GPC5: variants seen among roughly 807,000 people sequenced by gnomAD.
The protein encoded by GPC5 is glypican-5.
GPC5 carries 47 observed loss-of-function variants against 53.9 expected under a neutral mutation model. The observed-to-expected ratio is 0.87, with a 90% CI of 0.69 to 1.11. The LOEUF (loss-of-function observed/expected upper bound fraction) is 1.11. GPC5 is among the 50% of genes most tolerant of loss of function. The pLI is 0.00. For missense variants in GPC5, 748 were observed against 713.1 expected (o/e 1.05, Z -0.56); for synonymous variants, 286 against 263.3 (o/e 1.09, Z -0.84).
intron 7 of GPC5, among the ~76,000 whole-genome samples, chr13:92,318,802 C>T (rs2043196945): frequency 2.0e-5 from 3 of 152,056 alleles, no homozygotes; most frequent in Non-Finnish European, 4.4e-5. Flanking sequence ...TACTATCATT[C>T]CTATATGAGT....
At chr13:91,952,958 T>G (rs1244295278) in intron 6 of GPC5, among the ~76,000 whole-genome samples, 2 of 152,142 alleles carry the variant, frequency 1.3e-5, no homozygotes, top group Admixed American at 6.6e-5. Context: ...CAGTGGGATT[T>G]AAAGCAGATA....
At position 91,494,777 on chromosome 13, in the gene GPC5, C is replaced by T. The variant is rs536943831; in HGVS notation, c.325+45855C>T. ...TACTAAAGTTCTTGCTTTTTCTCCC[C>T]CCTTATTGACTGCCCTGCCTTAGAA... On this transcript the variant is annotated intron_variant, in intron 2 of 7. Transcript: ENST00000377067. 7.2e-5 allele frequency among the ~76,000 whole-genome samples: 11 copies of T among 152,234 alleles called. 1 individual carries two copies. The South Asian group carries it at 1.7e-3, about 23-fold the overall frequency.
At chr13:91,635,334 C>A (rs940123687) in intron 2 of GPC5, among the ~76,000 whole-genome samples, 2 of 151,916 alleles carry the variant, frequency 1.3e-5, no homozygotes, top group African/African-American at 4.8e-5. Context: ...CATGCATTAA[C>A]CTTTGGTGTA....
intron 6 of GPC5, among the ~76,000 whole-genome samples, chr13:91,975,426 A>G (rs1227532559): frequency 1.3e-5 from 2 of 152,150 alleles, no homozygotes; most frequent in African/African-American, 4.8e-5. Flanking sequence ...ATTTACAAGA[A>G]AAAAACAAAC....
In GPC5 at chr13:91,466,834, A is replaced by C. The variant is rs910301316; in HGVS notation, c.325+17912A>C. 2.6e-5 allele frequency among the ~76,000 whole-genome samples: 4 copies of C among 152,116 alleles called. No homozygotes were observed. The South Asian group carries it at 8.3e-4, about 32-fold the overall frequency. Reference sequence around the variant, plus strand: ...TTTCCTTCTATCTTAGTTTTAACGAAGTTCTTTTGAAAATTCTATTCAACT... The same window carrying C: ...TTTCCTTCTATCTTAGTTTTAACGACGTTCTTTTGAAAATTCTATTCAACT... On this transcript the variant is annotated intron_variant, in intron 2 of 7. Transcript: ENST00000377067.
intron 7 of GPC5, among the ~76,000 whole-genome samples, chr13:92,179,271 T>G (rs111913614): frequency 3.3e-5 from 5 of 152,176 alleles, no homozygotes; most frequent in African/African-American, 1.2e-4. Context: ...AAATAAAGGA[T>G]AATATCCTGG....
At chr13:92,350,771 G>C (rs2043470518) in intron 7 of GPC5, among the ~76,000 whole-genome samples, 1 of 152,050 alleles carries the variant, frequency 6.6e-6, no homozygotes, top group Non-Finnish European at 1.5e-5. Context: ...ATCATCACAT[G>C]ACTTTTTACT....
chr13:91,758,587 T>G (rs2037344551), intron 5 of GPC5, among the ~76,000 whole-genome samples: 1 of 152,134 alleles, frequency 6.6e-6, no homozygotes. Context: ...AATGAATATA[T>G]TTTATTCTAC....
chr13:91,639,077 G>A (rs1301403119), intron 2 of GPC5, among the ~76,000 whole-genome samples: 2 of 152,146 alleles, frequency 1.3e-5, no homozygotes, highest in Non-Finnish European at 2.9e-5. Context: ...TTATTTTAGT[G>A]GGTAATATGT....
At chr13:91,676,638 A>G (rs1382410387) in intron 2 of GPC5, among the ~76,000 whole-genome samples, 1 of 152,166 alleles carries the variant, frequency 6.6e-6, no homozygotes, top group African/African-American at 2.4e-5. Context: ...CAGAGTAGTG[A>G]ATGTGAATGT....
chr13:92,038,800 GCAAA>G (rs1223967115), intron 6 of GPC5, among the ~76,000 whole-genome samples: 2 of 151,958 alleles, frequency 1.3e-5, no homozygotes. Context: ...ATGAGCGAAT[GCAAA>G]CAGAGAAGTG....
intron 7 of GPC5, among the ~76,000 whole-genome samples, chr13:92,313,868 G>C (rs945526906): frequency 1.3e-5 from 2 of 152,106 alleles, no homozygotes; most frequent in Admixed American, 6.6e-5. Context: ...GCACCAGAAT[G>C]CTATTTTCAC....
chr13:92,184,557 T>A lies in GPC5; in HGVS notation c.1561+39568T>A, dbSNP rs189024766. Among the ~76,000 whole-genome samples the A allele has an allele frequency of 1.1e-4, 17 of 152,322 alleles. No homozygotes were observed. The East Asian group carries it at 3.3e-3, about 29-fold the overall frequency. The stretch of plus-strand genomic sequence containing the variant: ...AACTAAGAGCAACCTTCCAATCATC[T>A]CTTCACTACCTAGGAATCCCCAGTG... On this transcript the variant is annotated intron_variant, in intron 7 of 7. Coordinates refer to ENST00000377067, the MANE Select transcript of GPC5 (RefSeq NM_004466.6).
At chr13:91,795,029 A>T (rs2038024731) in intron 5 of GPC5, among the ~76,000 whole-genome samples, 1 of 152,174 alleles carries the variant, frequency 6.6e-6, no homozygotes, top group Non-Finnish European at 1.5e-5. Context: ...AAGAAATTTG[A>T]CAAGATCAAA....
At chr13:91,623,947 T>C (rs1241094283) in intron 2 of GPC5, among the ~76,000 whole-genome samples, 1 of 152,042 alleles carries the variant, frequency 6.6e-6, no homozygotes, top group East Asian at 1.9e-4. Flanking sequence ...TTTTTAATAA[T>C]TGAGAAATAT....
chr13:91,940,937 G>T (rs1483676910), intron 6 of GPC5, among the ~76,000 whole-genome samples: 1 of 151,962 alleles, frequency 6.6e-6, no homozygotes, highest in Non-Finnish European at 1.5e-5. Context: ...CCATTCTGTA[G>T]GTTGTCTGTT....
At chr13:92,748,777 T>A (rs958711146) in intron 7 of GPC5, among the ~76,000 whole-genome samples, 3 of 152,214 alleles carry the variant, frequency 2.0e-5, no homozygotes, top group Non-Finnish European at 2.9e-5. Flanking sequence ...ATATCCTTTT[T>A]CTGCATTACA....
At chr13:92,607,832 A>C (rs926980050) in intron 7 of GPC5, among the ~76,000 whole-genome samples, 2 of 152,160 alleles carry the variant, frequency 1.3e-5, no homozygotes, top group Non-Finnish European at 2.9e-5. Context: ...ACCCTTGAAC[A>C]ACATGGGTTT....
chr13:92,025,644 C>T (rs1029853852), intron 6 of GPC5, among the ~76,000 whole-genome samples: 4 of 152,146 alleles, frequency 2.6e-5, no homozygotes, highest in African/African-American at 9.7e-5. Context: ...AGTGCGTGTA[C>T]AGAAAGAGGG....
Sources: gnomAD v4.1 joint callset for allele counts (sites outside exome capture counted in the v4.1 genomes callset) on GRCh38, gnomAD v4.1.1 for gene constraint, MANE v1.5 for transcripts, NCBI Gene and HGNC (gene_info 2026-07-23, HGNC 2026-07-21) for gene names.